Variants in RRP12 observed in about 807,000 individuals in gnomAD.
The protein encoded by RRP12 is ribosomal RNA processing 12 homolog.
A neutral mutation model predicts 157.3 loss-of-function variants in RRP12; 78 were observed. The ratio of observed to expected loss-of-function variants is 0.50; its 90% confidence interval spans 0.41 to 0.60. The LOEUF (loss-of-function observed/expected upper bound fraction) is 0.60, where lower values mean the gene tolerates loss of function less well. Ranked by LOEUF, RRP12 falls within the 20% of genes least tolerant of loss-of-function variation. RRP12 has a pLI of 0.00. For synonymous variants in RRP12, 726 were observed against 670.9 expected, an observed-to-expected ratio of 1.08 and a Z score of -1.27; for missense variants, 1,521 against 1,679.9, an observed-to-expected ratio of 0.91 and a Z score of 1.65.
chr10:97,366,516 T>C lies in RRP12; in HGVS notation c.3321A>G (p.Ala1107=). The C allele has an allele frequency of 1.9e-6, 3 of 1,614,126 alleles. No homozygotes were observed. Among genetic ancestry groups the C allele is most frequent in the South Asian group, 1.1e-5 (1 of 91,082 alleles). ...QRKLARQRSR[A]WLKEGGGDEP... is the part of the protein sequence containing the mutation. The stretch of plus-strand genomic sequence containing the variant: ...CGTCCCCACCGCCCTCTTTCAGCCA[T>C]GCCCGGCTCCTCTGTCGTGCCAGCT... Residue 1107 remains alanine (A), a synonymous_variant, in exon 28 of 34, where the codon GCA becomes GCG. Coordinates refer to ENST00000370992, the MANE Select transcript of RRP12 (RefSeq NM_015179.4).
chr10:97,381,919 C>A, intron 10 of RRP12, 93 bp from the exon 11 acceptor site: 1 of 825,960 alleles, frequency 1.2e-6, no homozygotes, highest in Admixed American at 2.7e-5. Flanking sequence ...GCTCTGAAAA[C>A]AGTCACAAAC....
At chr10:97,367,315 C>G (rs1470792473) in intron 25 of RRP12, 183 bp from the exon 26 acceptor site, 1 of 605,690 alleles carries the variant, frequency 1.7e-6, no homozygotes. Context: ...CCCCATCTTT[C>G]CCCTGCACCC....
Position 97,360,635 on chromosome 10 carries a change from G to A in RRP12, c.3568-17C>T. The A allele has an allele frequency of 6.2e-7, 1 of 1,605,506 alleles. No homozygotes were observed. The highest frequency in any genetic ancestry group is 8.5e-7 in the Non-Finnish European group (1 of 1,172,222). ...GTGCTTTTTCTATAGAGAGAGAATA[G>A]GTGGGTAGTGAGTGAACCAGGGGAT... On this transcript the variant is annotated splice_polypyrimidine_tract_variant and intron_variant, in intron 30 of 33. Transcript: ENST00000370992.
At chr10:97,398,000 T>TAC (rs777370980) in intron 2 of RRP12, among the ~76,000 whole-genome samples, 3,894 of 81,958 alleles carry the variant, frequency 0.048, 192 homozygotes, top group Non-Finnish European at 0.056. Context: ...TACGTATATA[T>TAC]ATATACATAT....
At chr10:97,379,238 A>C in intron 15 of RRP12, 55 bp downstream of exon 15, 1 of 1,597,740 alleles carries the variant, frequency 6.3e-7, no homozygotes. Context: ...CCTTCTGTGG[A>C]GGTTCCAGGA....
In RRP12 at chr10:97,366,185, T is replaced by G. The variant is rs779739707; in HGVS notation, c.3440A>C (p.Lys1147Thr). The G allele has an allele frequency of 6.2e-7, 1 of 1,611,106 alleles. No homozygotes were observed. Among genetic ancestry groups the G allele is most frequent in the East Asian group, 2.2e-5 (1 of 44,868 alleles). Residue 1147 changes from lysine (K) to threonine (T), a missense_variant, in exon 29 of 34, where the codon AAG becomes ACG. By Grantham distance (78) the Lys-to-Thr change is moderately conservative. Transcript: ENST00000370992. ...GRGRKKDHGF[K>T]VSADGRLIIR... ...GATCAGCCGGCCATCGGCGCTCACC[T>G]TGAAGCCGTGGTCCTTCTTCCTGCC... is the stretch of plus-strand genomic sequence containing the variant.
At position 97,401,159 on chromosome 10, in the gene RRP12, C is replaced by A. The variant is rs374711733; in HGVS notation, c.73G>T (p.Asp25Tyr). The A allele has an allele frequency of 1.2e-6, 2 of 1,613,984 alleles. No homozygotes were observed. Among genetic ancestry groups the A allele is most frequent in the South Asian group, 1.1e-5 (1 of 91,080 alleles). Reference sequence around the variant, plus strand: ...TGGCGGCAGATGGCGGGGTTGCTGTCGCTGCTGTGGCCTTTCTTCCAGCGC... The same window carrying A: ...TGGCGGCAGATGGCGGGGTTGCTGTAGCTGCTGTGGCCTTTCTTCCAGCGC... ...LKRWKKGHSS[D>Y]SNPAICRHRQ... Residue 25 changes from aspartate to tyrosine, a missense_variant, in exon 1 of 34, where the codon GAC becomes TAC. Physicochemically the swap from Asp to Tyr is radical, Grantham distance 160. Transcript: ENST00000370992.
At chr10:97,359,069 G>T in intron 31 of RRP12, 59 bp from the exon 32 acceptor site, 2 of 1,319,968 alleles carry the variant, frequency 1.5e-6, no homozygotes, top group Non-Finnish European at 2.2e-6. Flanking sequence ...CCTCCAGAAA[G>T]GCAATGGGCA....
At chr10:97,365,604 A>G (rs907635735) in intron 29 of RRP12, among the ~76,000 whole-genome samples, 88 of 151,952 alleles carry the variant, frequency 5.8e-4, no homozygotes, top group Admixed American at 7.2e-4. Context: ...TAATGGCTGG[A>G]TATGTGGAGA....
chr10:97,359,060 C>CT (rs545046623), intron 31 of RRP12, 50 bp from the exon 32 acceptor site: 152 of 1,495,350 alleles, frequency 1.0e-4, no homozygotes, highest in Non-Finnish European at 1.3e-4. Context: ...GGGCAGCCCC[C>CT]TCCAGAAAGG....
chr10:97,357,977 AAG>A (rs1843753503), intron 33 of RRP12, among the ~76,000 whole-genome samples: 1 of 151,994 alleles, frequency 6.6e-6, no homozygotes, highest in East Asian at 1.9e-4. Flanking sequence ...AAAAAAAAAA[AAG>A]ATGACTATGT....
intron 13 of RRP12, 149 bp downstream of exon 13, chr10:97,380,650 G>A (rs1030855908): frequency 2.9e-5 from 18 of 625,114 alleles, no homozygotes; most frequent in Non-Finnish European, 4.3e-5. Flanking sequence ...TCACCTTCCA[G>A]GGGATACTGC....
rs1394094578 is a variant in RRP12 at position 97,371,093 on chromosome 10, G to C, written c.2344-12C>G. ...CCGTGGGCCTTGCTCTGGCAGACAG[G>C]AACCGGTGAGGGAGGCCTGGGGCTC... is the stretch of plus-strand genomic sequence containing the variant. On this transcript the variant is annotated splice_polypyrimidine_tract_variant and intron_variant, in intron 20 of 33. Transcript: ENST00000370992. 6.2e-7 allele frequency: 1 copy of C among 1,612,290 alleles called. No homozygotes were observed. The highest frequency in any genetic ancestry group is 2.2e-5 in the East Asian group (1 of 44,842).
intron 15 of RRP12, among the ~76,000 whole-genome samples, chr10:97,375,343 A>G (rs1844276394): frequency 6.6e-6 from 1 of 152,038 alleles, no homozygotes; most frequent in Non-Finnish European, 1.5e-5. Flanking sequence ...GCCTCACACA[A>G]TCCTTCTGCC....
chr10:97,373,645 G>A lies in RRP12; in HGVS notation c.1956C>T (p.Ser652=), dbSNP rs531893633. The A allele has an allele frequency of 4.2e-5, 67 of 1,613,766 alleles. No individual in the cohort carries two copies. Among genetic ancestry groups the A allele is most frequent in the Admixed American group, 1.3e-4 (8 of 59,996 alleles). ...GLARTLGMAI[S]ERPDLRVTVC... ...CGGTGACCCTCAGGTCTGGACGCTCGCTGATGGCCATGCCCAGCGTCCGTG... is the reference window on the plus strand; with the variant it reads ...CGGTGACCCTCAGGTCTGGACGCTCACTGATGGCCATGCCCAGCGTCCGTG... The change falls in exon 17 of 34, where the codon AGC becomes AGT. Residue 652 remains serine (S), a synonymous_variant. Coordinates refer to ENST00000370992, the MANE Select transcript of RRP12 (RefSeq NM_015179.4).
At chr10:97,383,526 G>A (rs1036482706) in intron 10 of RRP12, among the ~76,000 whole-genome samples, 1 of 152,224 alleles carries the variant, frequency 6.6e-6, no homozygotes, top group Non-Finnish European at 1.5e-5. Context: ...GGAACCCTTA[G>A]CTGAGAAGAC....
intron 15 of RRP12, among the ~76,000 whole-genome samples, chr10:97,374,531 G>A (rs1844250845): frequency 6.6e-6 from 1 of 151,744 alleles, no homozygotes; most frequent in Non-Finnish European, 1.5e-5. Context: ...CCAGCACTTT[G>A]GGAGGCTGAG....
intron 29 of RRP12, chr10:97,365,784 A>G (rs1433343847): frequency 1.3e-4 from 31 of 232,804 alleles, no homozygotes; most frequent in Non-Finnish European, 2.0e-4. Flanking sequence ...AAAAAAAAAG[A>G]GGAAGGAAGA....
chr10:97,385,196 AC>A lies in RRP12; in HGVS notation c.1177del (p.Val393SerfsTer10). On this transcript the variant is annotated frameshift_variant, in exon 10 of 34. Transcript: ENST00000370992. LOFTEE classifies it high-confidence loss of function. ...DLQPLLAWLK[V>X]MEKAHINLVR... is the part of the protein sequence containing the mutation. ...CAGGTTGATGTGGGCTTTCTCCATGACCTTAAGCCAGGCTAGCAGGGGTTGT... is the reference window on the plus strand; with the variant it reads ...CAGGTTGATGTGGGCTTTCTCCATGACTTAAGCCAGGCTAGCAGGGGTTGT... 1 of 1,613,992 alleles carries A rather than the reference AC, an allele frequency of 6.2e-7. No homozygotes were observed. Among genetic ancestry groups the A allele is most frequent in the Non-Finnish European group, 8.5e-7 (1 of 1,179,916 alleles).
Sources: allele counts gnomAD v4.1 joint callset (sites outside exome capture counted in the v4.1 genomes callset), GRCh38; gene constraint gnomAD v4.1.1; transcripts MANE v1.5; gene names NCBI Gene and HGNC (gene_info 2026-07-23, HGNC 2026-07-21).